TBC1D19: variants seen among roughly 807,000 people sequenced by gnomAD.
TBC1D19 encodes TBC1 domain family, member 19.
Under a neutral mutation model 89.0 loss-of-function variants are expected in TBC1D19, and 60 were observed. The ratio of observed to expected loss-of-function variants is 0.67; its 90% CI spans 0.55 to 0.84. The LOEUF is 0.84. Ranked by LOEUF, TBC1D19 falls within the 40% of genes least tolerant of loss-of-function variation. TBC1D19 has a pLI of 0.00. For missense variants in TBC1D19, 500 were observed against 610.8 expected, an observed-to-expected ratio of 0.82 and a Z score of 1.91; for synonymous variants, 189 against 199.7, an observed-to-expected ratio of 0.95 and a Z score of 0.45.
chr4:26,792,774 A>C, the TBC1D19 span, among the ~76,000 whole-genome samples: 2 of 152,234 alleles, frequency 1.3e-5, no homozygotes, highest in African/African-American at 4.8e-5. Flanking sequence ...TCCCTGCAGT[A>C]CTGCAAAGGC....
chr4:26,842,554 CCTCT>C, the TBC1D19 span, among the ~76,000 whole-genome samples: 1 of 147,484 alleles, frequency 6.8e-6, no homozygotes, highest in Non-Finnish European at 1.5e-5. Context: ...TCCCTCCCTC[CCTCT>C]TTCTTTCCTT....
chr4:26,846,035 C>G, the TBC1D19 span, among the ~76,000 whole-genome samples: 29,258 of 152,128 alleles, frequency 0.19, 2,966 homozygotes, highest in East Asian at 0.41. Context: ...GCTTTTTTCA[C>G]TTAACATAAT....
At chr4:26,805,514 C>T in the TBC1D19 span, among the ~76,000 whole-genome samples, 1 of 152,170 alleles carries the variant, frequency 6.6e-6, no homozygotes, top group Admixed American at 6.5e-5. Context: ...CCCATCCTTC[C>T]CATCTTCTTC....
At chr4:26,792,973 C>T in the TBC1D19 span, among the ~76,000 whole-genome samples, 14 of 152,194 alleles carry the variant, frequency 9.2e-5, no homozygotes, top group Admixed American at 8.5e-4. Context: ...AGCAATTCTG[C>T]CTTTCTCCCA....
At chr4:26,853,878 C>G in the TBC1D19 span, among the ~76,000 whole-genome samples, 41 of 152,316 alleles carry the variant, frequency 2.7e-4, no homozygotes, top group Middle Eastern at 3.4e-3. Context: ...TTCGTATTTA[C>G]AATAATGCTC....
chr4:26,650,757 C>T (rs1217202970), intron 7 of TBC1D19, among the ~76,000 whole-genome samples: 1 of 152,156 alleles, frequency 6.6e-6, no homozygotes, highest in Non-Finnish European at 1.5e-5. Context: ...GTTGCCATTG[C>T]TTTTGGCGTT....
the TBC1D19 span, among the ~76,000 whole-genome samples, chr4:26,846,797 TC>T: frequency 2.2e-3 from 328 of 152,280 alleles, 2 homozygotes; most frequent in Non-Finnish European, 2.8e-3. Context: ...TTAGTGCTAG[TC>T]TTAACCTTTC....
intron 15 of TBC1D19, among the ~76,000 whole-genome samples, chr4:26,732,049 C>T (rs1258845061): frequency 2.0e-5 from 3 of 152,100 alleles, no homozygotes; most frequent in Non-Finnish European, 4.4e-5. Flanking sequence ...CTTCTTCTTT[C>T]TTATTTCTTC....
intron 13 of TBC1D19, among the ~76,000 whole-genome samples, chr4:26,692,477 C>T (rs1467438859): frequency 6.6e-6 from 1 of 152,184 alleles, no homozygotes; most frequent in Non-Finnish European, 1.5e-5. Flanking sequence ...TCTCACAAAG[C>T]AGAAGTGTCA....
chr4:26,590,798 T>TTTTTG (rs1739730051), intron 1 of TBC1D19, among the ~76,000 whole-genome samples: 1 of 44,304 alleles, frequency 2.3e-5, no homozygotes, highest in African/African-American at 6.1e-5. Flanking sequence ...GCAGGTCTGT[T>TTTTTG]TTTTTTTTTT....
At chr4:26,773,172 T>TAGTA in the TBC1D19 span, among the ~76,000 whole-genome samples, 3 of 152,230 alleles carry the variant, frequency 2.0e-5, no homozygotes, top group Admixed American at 2.0e-4. Context: ...TGGCATGAGA[T>TAGTA]AGTATCTCAT....
At chr4:26,769,574 G>A in the TBC1D19 span, among the ~76,000 whole-genome samples, 13 of 150,284 alleles carry the variant, frequency 8.7e-5, no homozygotes, top group Middle Eastern at 3.4e-3. Context: ...ACAGGGGCTT[G>A]CTCTCACACC....
intron 4 of TBC1D19, among the ~76,000 whole-genome samples, chr4:26,627,922 T>C: frequency 6.6e-6 from 1 of 152,216 alleles, no homozygotes; most frequent in African/African-American, 2.4e-5. Context: ...TGGCTTTTGT[T>C]GCCATTGCTT....
chr4:26,754,879 C>G lies in TBC1D19; in HGVS notation c.1513C>G (p.Leu505Val). Reference sequence around the variant, plus strand: ...TTTTTATTTTTTGTTTCAGGCAGTTCTTGCTGACCTTTCTACTTTAAAAGT... The same window carrying G: ...TTTTTATTTTTTGTTTCAGGCAGTTGTTGCTGACCTTTCTACTTTAAAAGT... ...VTSLAAAEAV[L>V]ADLSTLKVMP... Residue 505 changes from leucine to valine, a missense_variant, in exon 21 of 21, where the codon CTT becomes GTT. Physicochemically the swap from Leu to Val is conservative, Grantham distance 32. Transcript: ENST00000264866. 1 of 1,597,956 alleles carries G rather than the reference C, an allele frequency of 6.3e-7. No individual in the cohort carries two copies. Among genetic ancestry groups the G allele is most frequent in the Non-Finnish European group, 8.5e-7 (1 of 1,175,248 alleles).
At chr4:26,729,377 A>G (rs1717516986) in intron 15 of TBC1D19, among the ~76,000 whole-genome samples, 1 of 152,260 alleles carries the variant, frequency 6.6e-6, no homozygotes, top group African/African-American at 2.4e-5. Context: ...CATGAGTTGT[A>G]TACTCAGATG....
intron 1 of TBC1D19, among the ~76,000 whole-genome samples, chr4:26,605,688 T>C (rs1447494748): frequency 6.6e-6 from 1 of 152,220 alleles, no homozygotes; most frequent in African/African-American, 2.4e-5. Context: ...AAAGTGTTCC[T>C]ATTTCTCCAC....
At chr4:26,654,723 C>T (rs977438993) in intron 7 of TBC1D19, among the ~76,000 whole-genome samples, 11 of 152,186 alleles carry the variant, frequency 7.2e-5, no homozygotes, top group Admixed American at 2.6e-4. Flanking sequence ...GTTTTCAGCT[C>T]CATCAGGTCC....
the TBC1D19 span, among the ~76,000 whole-genome samples, chr4:26,819,540 C>T: frequency 6.6e-6 from 1 of 152,214 alleles, no homozygotes; most frequent in Non-Finnish European, 1.5e-5. Flanking sequence ...GACTCTCTCC[C>T]AGATGATGGC....
In TBC1D19 at chr4:26,750,569, A is replaced by G. The variant is rs962322066; in HGVS notation, c.1435+2043A>G. 3.3e-5 allele frequency among the ~76,000 whole-genome samples: 5 copies of G among 152,202 alleles called. No individual in the cohort carries two copies. The East Asian group carries it at 9.6e-4, about 29-fold the overall frequency. ...ACTGAAGGAAAAGAGAAATAAATGTATGTTGAATACTGTATTTGCTGTAAG... is the reference window on the plus strand; with the variant it reads ...ACTGAAGGAAAAGAGAAATAAATGTGTGTTGAATACTGTATTTGCTGTAAG... On this transcript the variant is annotated intron_variant, in intron 19 of 20. Coordinates refer to ENST00000264866, the MANE Select transcript of TBC1D19 (RefSeq NM_018317.4).
Sources: allele counts gnomAD v4.1 joint callset (sites outside exome capture counted in the v4.1 genomes callset), GRCh38; gene constraint gnomAD v4.1.1; transcripts MANE v1.5; gene names NCBI Gene and HGNC (gene_info 2026-07-23, HGNC 2026-07-21).